DLGAP1: variants seen among roughly 807,000 people sequenced by gnomAD.
The protein encoded by DLGAP1 is disks large-associated protein 1.
A neutral mutation model predicts 90.8 loss-of-function variants in DLGAP1; 11 were observed. The observed-to-expected ratio is 0.12, with a 90% CI of 0.08 to 0.20. The LOEUF (loss-of-function observed/expected upper bound fraction) is 0.20, where lower values mean the gene tolerates loss of function less well. Among genes scored for constraint, DLGAP1 ranks in the 10% least tolerant of loss-of-function variants. The probability of loss-of-function intolerance (pLI) is 1.00; values close to 1 mark genes in which losing one functional copy is unlikely to be tolerated. For synonymous variants in DLGAP1, 558 were observed against 540.7 expected (o/e 1.03, Z -0.44); for missense variants, 1,050 against 1,333.8 (o/e 0.79, Z 3.31).
intron 1 of DLGAP1, among the ~76,000 whole-genome samples, chr18:4,322,942 A>AG (rs1491158120): frequency 2.1e-5 from 1 of 48,434 alleles, no homozygotes; most frequent in Non-Finnish European, 4.2e-5. Context: ...GCCTGGGCAC[A>AG]GAAAAAAAAA....
chr18:4,042,739 CAAAAT>C (rs934749693), intron 2 of DLGAP1, among the ~76,000 whole-genome samples: 13 of 151,778 alleles, frequency 8.6e-5, no homozygotes, highest in Non-Finnish European at 1.5e-4. Context: ...GACTTTGTCT[CAAAAT>C]AAAATAAAAT....
At chr18:4,187,104 C>T (rs9952876) in intron 1 of DLGAP1, among the ~76,000 whole-genome samples, 69,600 of 151,782 alleles carry the variant, frequency 0.46, 17,635 homozygotes, top group East Asian at 0.71. Flanking sequence ...GTTGATTTTG[C>T]ATCCTGAAAT....
chr18:4,364,097 T>C (rs1219033290), intron 1 of DLGAP1, among the ~76,000 whole-genome samples: 2 of 151,738 alleles, frequency 1.3e-5, no homozygotes, highest in Non-Finnish European at 1.5e-5. Context: ...TGAGTTCATG[T>C]CCTTTGTAGG....
intron 2 of DLGAP1, among the ~76,000 whole-genome samples, chr18:4,043,863 G>A (rs796712029): frequency 7.2e-5 from 11 of 152,308 alleles, no homozygotes; most frequent in African/African-American, 2.6e-4. Flanking sequence ...ACTTGGTGTT[G>A]AGATGCTATC....
chr18:3,581,215 G>A (rs1475431203), intron 8 of DLGAP1, among the ~76,000 whole-genome samples: 2 of 152,210 alleles, frequency 1.3e-5, no homozygotes, highest in African/African-American at 4.8e-5. Flanking sequence ...GAAATGAGGG[G>A]TGCTGACACA....
intron 2 of DLGAP1, among the ~76,000 whole-genome samples, chr18:4,034,337 C>T (rs538791575): frequency 2.8e-4 from 43 of 152,184 alleles, no homozygotes; most frequent in South Asian, 6.2e-4. Context: ...CCACTGCGCC[C>T]GGCTGCAAAT....
At chr18:3,532,465 G>C (rs2052073722) in intron 10 of DLGAP1, among the ~76,000 whole-genome samples, 1 of 151,814 alleles carries the variant, frequency 6.6e-6, no homozygotes, top group Non-Finnish European at 1.5e-5. Context: ...TGTAATCCCA[G>C]CTACCTGGAG....
chr18:3,767,663 G>GA (rs1049863099), intron 5 of DLGAP1, among the ~76,000 whole-genome samples: 1 of 151,716 alleles, frequency 6.6e-6, no homozygotes, highest in Non-Finnish European at 1.5e-5. Context: ...AGAGGCTAAG[G>GA]AAAAAAATCA....
intron 1 of DLGAP1, among the ~76,000 whole-genome samples, chr18:4,281,400 A>G (rs2079547959): frequency 6.6e-6 from 1 of 152,158 alleles, no homozygotes; most frequent in Non-Finnish European, 1.5e-5. Context: ...AAAAAATACA[A>G]AAACTTAGCT....
At chr18:4,246,811 T>G (rs1295871611) in intron 1 of DLGAP1, among the ~76,000 whole-genome samples, 2 of 152,258 alleles carry the variant, frequency 1.3e-5, no homozygotes, top group Non-Finnish European at 2.9e-5. Context: ...GTTGTTGGTT[T>G]CTTTTCAATT....
intron 1 of DLGAP1, among the ~76,000 whole-genome samples, chr18:4,305,354 G>A (rs1258310785): frequency 6.6e-6 from 1 of 151,990 alleles, no homozygotes; most frequent in Admixed American, 6.5e-5. Flanking sequence ...GACCAACGTG[G>A]TGAAACCCTG....
At chr18:3,790,803 T>C (rs984563770) in intron 5 of DLGAP1, among the ~76,000 whole-genome samples, 2 of 152,170 alleles carry the variant, frequency 1.3e-5, no homozygotes, top group Admixed American at 6.5e-5. Context: ...TGGGGAAGGT[T>C]TCCTTTGCAG....
chr18:3,586,197 T>C (rs112485336), intron 7 of DLGAP1, among the ~76,000 whole-genome samples: 7 of 152,210 alleles, frequency 4.6e-5, no homozygotes, highest in African/African-American at 1.7e-4. Flanking sequence ...GAAGATAAGA[T>C]TTTGAGATCC....
intron 4 of DLGAP1, among the ~76,000 whole-genome samples, chr18:3,863,658 A>G (rs1442799827): frequency 6.6e-6 from 1 of 152,186 alleles, no homozygotes; most frequent in Non-Finnish European, 1.5e-5. Flanking sequence ...TGCTGAGTGC[A>G]TGGATGCGAT....
intron 4 of DLGAP1, among the ~76,000 whole-genome samples, chr18:3,870,277 T>C (rs1055498075): frequency 6.6e-6 from 1 of 152,288 alleles, no homozygotes; most frequent in East Asian, 1.9e-4. Context: ...AAATATTCAA[T>C]GATAGAGCAA....
intron 2 of DLGAP1, among the ~76,000 whole-genome samples, chr18:4,070,796 T>G (rs2143460185): frequency 6.6e-6 from 1 of 152,212 alleles, no homozygotes; most frequent in African/African-American, 2.4e-5. Context: ...AAACAATACG[T>G]ATAAGAAGTT....
intron 1 of DLGAP1, among the ~76,000 whole-genome samples, chr18:4,242,156 T>C (rs943723997): frequency 6.6e-6 from 1 of 152,210 alleles, no homozygotes; most frequent in Non-Finnish European, 1.5e-5. Context: ...TTTTGTAGAA[T>C]GTGTCTTTTC....
intron 1 of DLGAP1, among the ~76,000 whole-genome samples, chr18:4,196,601 G>C (rs2077501993): frequency 6.6e-6 from 1 of 152,228 alleles, no homozygotes; most frequent in Non-Finnish European, 1.5e-5. Flanking sequence ...GCTGAGAACT[G>C]ATAGAGGAGC....
intron 10 of DLGAP1, among the ~76,000 whole-genome samples, chr18:3,533,907 T>C (rs1400833981): frequency 6.6e-6 from 1 of 152,108 alleles, no homozygotes; most frequent in Middle Eastern, 3.2e-3. Flanking sequence ...GTTAGAGACA[T>C]GAAAGCACCT....
Sources: gnomAD v4.1 joint callset for allele counts (sites outside exome capture counted in the v4.1 genomes callset) on GRCh38, gnomAD v4.1.1 for gene constraint, MANE v1.5 for transcripts, NCBI Gene and HGNC (gene_info 2026-07-23, HGNC 2026-07-21) for gene names.